The following SMYD3 variants were observed in gnomAD, a reference collection of about 807,000 sequenced individuals.
SMYD3 encodes histone-lysine N-methyltransferase SMYD3.
A neutral mutation model predicts 57.7 loss-of-function variants in SMYD3; 36 were observed. The ratio of observed to expected loss-of-function variants is 0.62; its 90% CI spans 0.48 to 0.82. The LOEUF (loss-of-function observed/expected upper bound fraction) is 0.82, where lower values mean the gene tolerates loss of function less well. Among genes scored for constraint, SMYD3 ranks in the 40% least tolerant of loss-of-function variants. The pLI, the probability that SMYD3 is intolerant of heterozygous loss-of-function variation, is 0.00. For missense variants in SMYD3, 515 were observed against 538.8 expected, an observed-to-expected ratio of 0.96 and a Z score of 0.44; for synonymous variants, 211 against 195.0, an observed-to-expected ratio of 1.08 and a Z score of -0.68.
chr1:246,473,108 C>T (rs1017764989), intron 1 of SMYD3, among the ~76,000 whole-genome samples: 7 of 152,078 alleles, frequency 4.6e-5, no homozygotes, highest in South Asian at 2.1e-4. Context: ...CCACCTGCCT[C>T]GGCCTCCCAA....
chr1:246,350,044 T>C (rs906686719), intron 2 of SMYD3, among the ~76,000 whole-genome samples: 1 of 152,140 alleles, frequency 6.6e-6, no homozygotes, highest in African/African-American at 2.4e-5. Context: ...ATTTTACATA[T>C]AAATAGATTA....
intron 5 of SMYD3, among the ~76,000 whole-genome samples, chr1:246,214,584 C>T (rs2148403179): frequency 6.6e-6 from 1 of 152,162 alleles, no homozygotes; most frequent in South Asian, 2.1e-4. Flanking sequence ...TAAGTAAATA[C>T]ATAATAAGTA....
chr1:246,380,739 G>C (rs1369594178), intron 1 of SMYD3, among the ~76,000 whole-genome samples: 1 of 152,202 alleles, frequency 6.6e-6, no homozygotes, highest in African/African-American at 2.4e-5. Context: ...ATTATGTGAT[G>C]TCAGGTTCTG....
chr1:245,948,927 C>T (rs916128079), intron 5 of SMYD3, among the ~76,000 whole-genome samples: 2 of 152,192 alleles, frequency 1.3e-5, no homozygotes, highest in African/African-American at 4.8e-5. Context: ...ATTGCCCTAC[C>T]CCGTCCATCC....
At chr1:246,086,439 G>A (rs2060722456) in intron 5 of SMYD3, among the ~76,000 whole-genome samples, 1 of 151,964 alleles carries the variant, frequency 6.6e-6, no homozygotes, top group African/African-American at 2.4e-5. Context: ...GACTGTGCTT[G>A]CAGGTGAGAA....
intron 2 of SMYD3, among the ~76,000 whole-genome samples, chr1:246,346,587 GA>G (rs1405759025): frequency 2.6e-5 from 4 of 152,064 alleles, no homozygotes; most frequent in Admixed American, 6.5e-5. Flanking sequence ...GCAGGATGGA[GA>G]AGTGCCCAGC....
At chr1:245,905,359 T>G (rs10802294) in intron 8 of SMYD3, among the ~76,000 whole-genome samples, 150,557 of 152,192 alleles carry the variant, frequency 0.99, 74,493 homozygotes, top group Middle Eastern at 1. Flanking sequence ...CTCCCCTGAC[T>G]AGAGTCCCAA....
chr1:245,999,630 G>T (rs1332995920), intron 5 of SMYD3, among the ~76,000 whole-genome samples: 4 of 152,018 alleles, frequency 2.6e-5, no homozygotes, highest in Non-Finnish European at 5.9e-5. Flanking sequence ...AAGGATTTAA[G>T]GATAGGGATG....
intron 11 of SMYD3, among the ~76,000 whole-genome samples, chr1:245,756,156 A>G (rs2045596422): frequency 6.7e-6 from 1 of 148,986 alleles, no homozygotes; most frequent in Non-Finnish European, 1.5e-5. Flanking sequence ...TATATAATAT[A>G]CATGTGTATG....
At chr1:246,350,067 T>C (rs2065797857) in intron 2 of SMYD3, among the ~76,000 whole-genome samples, 1 of 152,146 alleles carries the variant, frequency 6.6e-6, no homozygotes, top group Non-Finnish European at 1.5e-5. Context: ...TGTACATGGA[T>C]GGAGAAAGAT....
chr1:246,506,313 A>G (rs989402986), intron 1 of SMYD3, among the ~76,000 whole-genome samples: 2 of 152,146 alleles, frequency 1.3e-5, no homozygotes, highest in African/African-American at 4.8e-5. Flanking sequence ...CCAGGCTTCC[A>G]AAACACCTTC....
intron 5 of SMYD3, among the ~76,000 whole-genome samples, chr1:246,295,451 A>G (rs1271246014): frequency 6.6e-6 from 1 of 152,176 alleles, no homozygotes; most frequent in Non-Finnish European, 1.5e-5. Flanking sequence ...GAGGCAGCAT[A>G]ATGTTTTCAG....
chr1:245,984,241 TC>T lies in SMYD3; in HGVS notation c.532-54305del, dbSNP rs532968338. 3.0e-3 allele frequency among the ~76,000 whole-genome samples: 463 copies of T among 152,196 alleles called. 2 individuals carry two copies. Among genetic ancestry groups the T allele is most frequent in the African/African-American group, 0.01 (419 of 41,540 alleles). ...CAAACTCCTGACCTCAGGTGATCCGTCCCGCCTTGGCCTGCCCATGTGCTGG... is the reference window on the plus strand; with the variant it reads ...CAAACTCCTGACCTCAGGTGATCCGTCCGCCTTGGCCTGCCCATGTGCTGG... On this transcript the variant is annotated intron_variant, in intron 5 of 11. Coordinates refer to ENST00000490107, the MANE Select transcript of SMYD3 (RefSeq NM_001167740.2).
At chr1:246,040,550 G>C (rs1057330799) in intron 5 of SMYD3, among the ~76,000 whole-genome samples, 2 of 152,174 alleles carry the variant, frequency 1.3e-5, no homozygotes, top group Non-Finnish European at 2.9e-5. Context: ...CCACCAAACA[G>C]AGAAACAATT....
intron 8 of SMYD3, among the ~76,000 whole-genome samples, chr1:245,877,980 A>G (rs1327741841): frequency 6.6e-6 from 1 of 152,160 alleles, no homozygotes; most frequent in Non-Finnish European, 1.5e-5. Flanking sequence ...GCGGAGAAGT[A>G]AAGGAGGGCA....
chr1:246,387,187 C>T (rs548529456), intron 1 of SMYD3, among the ~76,000 whole-genome samples: 2 of 152,266 alleles, frequency 1.3e-5, no homozygotes, highest in African/African-American at 4.8e-5. Context: ...CATGAGGCAA[C>T]GTACTTAGCA....
At chr1:246,255,584 G>A (rs549109926) in intron 5 of SMYD3, among the ~76,000 whole-genome samples, 17 of 152,032 alleles carry the variant, frequency 1.1e-4, no homozygotes, top group African/African-American at 3.6e-4. Context: ...TTACTAGCAT[G>A]TTGTTGTAGA....
At chr1:245,953,099 C>T (rs2089316456) in intron 5 of SMYD3, 1 of 609,726 alleles carries the variant, frequency 1.6e-6, no homozygotes, top group Non-Finnish European at 2.1e-6. Flanking sequence ...CCAAAACATT[C>T]CAGAAAGTGA....
chr1:246,139,992 C>T (rs3845511), intron 5 of SMYD3, among the ~76,000 whole-genome samples: 75,825 of 151,608 alleles, frequency 0.5, 22,770 homozygotes, highest in Non-Finnish European at 0.69. Flanking sequence ...TCCCTTTCAT[C>T]AAGATATTCT....
Sources: allele counts gnomAD v4.1 joint callset (sites outside exome capture counted in the v4.1 genomes callset), GRCh38; gene constraint gnomAD v4.1.1; transcripts MANE v1.5; gene names NCBI Gene and HGNC (gene_info 2026-07-23, HGNC 2026-07-21).